NPAS3: variants seen among roughly 807,000 people sequenced by gnomAD.
NPAS3 encodes neuronal PAS domain-containing protein 3.
In NPAS3, 14 loss-of-function variants were observed where a neutral mutation model predicts 73.1. That is an observed-to-expected ratio of 0.19 (90% confidence interval 0.13 to 0.30). The LOEUF is 0.30. Ranked by LOEUF, NPAS3 falls within the 10% of genes least tolerant of loss-of-function variation. The pLI is 1.00. For synonymous variants in NPAS3, 620 were observed against 541.5 expected (o/e 1.14, Z -2.01); for missense variants, 1,096 against 1,250.0 (o/e 0.88, Z 1.86).
intron 3 of NPAS3, among the ~76,000 whole-genome samples, chr14:33,219,226 C>T (rs2047335001): frequency 6.6e-6 from 1 of 152,096 alleles, no homozygotes; most frequent in Non-Finnish European, 1.5e-5. Context: ...TATCTAGAAA[C>T]CATTATATCT....
At chr14:33,405,280 T>TAGGC (rs945441599) in intron 4 of NPAS3, among the ~76,000 whole-genome samples, 17 of 152,086 alleles carry the variant, frequency 1.1e-4, no homozygotes, top group African/African-American at 4.1e-4. Context: ...TTAATCCCTT[T>TAGGC]AGGCAGGAAG....
intron 5 of NPAS3, among the ~76,000 whole-genome samples, chr14:33,662,235 C>G (rs1226149155): frequency 6.6e-6 from 1 of 152,156 alleles, no homozygotes. Flanking sequence ...GTAGATCACA[C>G]AGGTTGAGGT....
intron 4 of NPAS3, among the ~76,000 whole-genome samples, chr14:33,368,748 A>T (rs537323975): frequency 1.3e-5 from 2 of 152,300 alleles, no homozygotes; most frequent in South Asian, 2.1e-4. Context: ...CACAGAAAGG[A>T]TCATATTTCT....
intron 5 of NPAS3, among the ~76,000 whole-genome samples, chr14:33,644,910 G>A (rs142787501): frequency 1.4e-4 from 21 of 151,926 alleles, no homozygotes; most frequent in Non-Finnish European, 2.6e-4. Flanking sequence ...GTGAAACCTC[G>A]TCTTTACTAA....
At chr14:33,463,127 C>G in intron 4 of NPAS3, among the ~76,000 whole-genome samples, 1 of 152,090 alleles carries the variant, frequency 6.6e-6, no homozygotes, top group Non-Finnish European at 1.5e-5. Flanking sequence ...GTACCTTAGC[C>G]CCTGTAAGCC....
intron 2 of NPAS3, among the ~76,000 whole-genome samples, chr14:33,177,977 T>G (rs1171606893): frequency 6.6e-6 from 1 of 152,182 alleles, no homozygotes; most frequent in Non-Finnish European, 1.5e-5. Flanking sequence ...CTTTGGCTAT[T>G]GGGAGCCCCT....
chr14:33,024,126 ATGTG>A lies in NPAS3; in HGVS notation c.51-31769_51-31766del, dbSNP rs756407576. Among the ~76,000 whole-genome samples, 129 of 144,480 alleles carry A rather than the reference ATGTG, an allele frequency of 8.9e-4. 1 individual carries two copies. Among genetic ancestry groups the A allele is most frequent in the Non-Finnish European group, 1.7e-3 (112 of 67,106 alleles). 94.8% of individuals were successfully genotyped at this position (144,480 alleles called of 152,430 possible). On this transcript the variant is annotated intron_variant, in intron 1 of 11. Transcript: ENST00000356141. Reference sequence around the variant, plus strand: ...TGTGTGTATATATATGTGTATATATATGTGTGTGTGTGTATATGTGTGTGTGTGT... The same window carrying A: ...TGTGTGTATATATATGTGTATATATATGTGTGTGTATATGTGTGTGTGTGT...
At chr14:33,477,312 A>G (rs2051086957) in intron 4 of NPAS3, among the ~76,000 whole-genome samples, 1 of 152,176 alleles carries the variant, frequency 6.6e-6, no homozygotes, top group African/African-American at 2.4e-5. Flanking sequence ...ATATCTTCCC[A>G]GATTCACTAT....
intron 2 of NPAS3, among the ~76,000 whole-genome samples, chr14:33,108,030 G>A (rs1040966314): frequency 1.3e-5 from 2 of 152,090 alleles, no homozygotes; most frequent in African/African-American, 4.8e-5. Flanking sequence ...ACTAGAGAAG[G>A]GTGACAAGCC....
chr14:32,956,863 CTG>C (rs1324249662), intron 1 of NPAS3, among the ~76,000 whole-genome samples: 2 of 152,206 alleles, frequency 1.3e-5, no homozygotes, highest in African/African-American at 2.4e-5. Flanking sequence ...CCTCTACACA[CTG>C]TGAAACTTTG....
chr14:33,742,632 G>A (rs2061683752), intron 7 of NPAS3, among the ~76,000 whole-genome samples: 1 of 152,152 alleles, frequency 6.6e-6, no homozygotes, highest in Non-Finnish European at 1.5e-5. Context: ...TGAAGGTTGG[G>A]GTGGCTGTGG....
intron 6 of NPAS3, among the ~76,000 whole-genome samples, chr14:33,696,059 T>C (rs1434017397): frequency 2.0e-5 from 3 of 152,226 alleles, no homozygotes; most frequent in Admixed American, 6.5e-5. Context: ...CTTGATGTCA[T>C]GATTAGAGTA....
exon 9 of NPAS3, chr14:33,778,535 T>G: frequency 2.5e-6 from 4 of 1,613,942 alleles, no homozygotes; most frequent in Non-Finnish European, 3.4e-6. Flanking sequence ...TCATCCATGC[T>G]GAAGACGTGG....
intron 4 of NPAS3, among the ~76,000 whole-genome samples, chr14:33,426,590 G>A (rs1331760847): frequency 6.6e-6 from 1 of 151,938 alleles, no homozygotes; most frequent in Non-Finnish European, 1.5e-5. Context: ...TCATGAGCGA[G>A]GATACTTAGG....
intron 3 of NPAS3, among the ~76,000 whole-genome samples, chr14:33,337,018 C>T (rs1229596533): frequency 6.6e-6 from 1 of 152,142 alleles, no homozygotes; most frequent in Non-Finnish European, 1.5e-5. Context: ...ATATTTTCCC[C>T]AGTCTGTGGC....
intron 5 of NPAS3, among the ~76,000 whole-genome samples, chr14:33,571,611 T>G (rs2056218582): frequency 6.6e-6 from 1 of 152,172 alleles, no homozygotes; most frequent in South Asian, 2.1e-4. Flanking sequence ...TGTCAAAGTC[T>G]CCTACACTTT....
At chr14:33,083,097 C>A (rs1312830707) in intron 2 of NPAS3, among the ~76,000 whole-genome samples, 1 of 135,266 alleles carries the variant, frequency 7.4e-6, no homozygotes, top group African/African-American at 2.7e-5. Flanking sequence ...GTAGGAGAAT[C>A]ATTTCAACCT....
intron 4 of NPAS3, among the ~76,000 whole-genome samples, chr14:33,469,857 A>G (rs2050704924): frequency 1.3e-5 from 2 of 152,180 alleles, no homozygotes; most frequent in Non-Finnish European, 2.9e-5. Flanking sequence ...TTAAACTTAT[A>G]GGGCTGAATT....
At chr14:33,556,879 G>T (rs940369284) in intron 4 of NPAS3, among the ~76,000 whole-genome samples, 1 of 152,162 alleles carries the variant, frequency 6.6e-6, no homozygotes, top group African/African-American at 2.4e-5. Context: ...AAGTTCTCCT[G>T]TGATCTTTCT....
Sources: gnomAD v4.1 joint callset for allele counts (sites outside exome capture counted in the v4.1 genomes callset) on GRCh38, gnomAD v4.1.1 for gene constraint, MANE v1.5 for transcripts, NCBI Gene and HGNC (gene_info 2026-07-23, HGNC 2026-07-21) for gene names.